Variants in SLC4A4 observed in about 807,000 individuals in gnomAD.
SLC4A4 encodes solute carrier family 4 member 4, also known as electrogenic sodium bicarbonate cotransporter 1.
SLC4A4 carries 27 observed loss-of-function variants against 111.5 expected under a neutral mutation model. The observed-to-expected ratio is 0.24, with a 90% CI of 0.18 to 0.33. SLC4A4 has a LOEUF of 0.33. SLC4A4 is among the 10% of genes least tolerant of loss of function. The pLI, the probability that SLC4A4 is intolerant of heterozygous loss-of-function variation, is 1.00. For missense variants in SLC4A4, 909 were observed against 1,315.5 expected, an observed-to-expected ratio of 0.69 and a Z score of 4.78; for synonymous variants, 443 against 463.4, an observed-to-expected ratio of 0.96 and a Z score of 0.57.
intron 1 of SLC4A4, among the ~76,000 whole-genome samples, chr4:71,215,227 C>T (rs1718353840): frequency 6.6e-6 from 1 of 152,182 alleles, no homozygotes; most frequent in Non-Finnish European, 1.5e-5. Context: ...AACATCACAG[C>T]TGGGTTTCTT....
chr4:71,422,902 G>A (rs1326243888), intron 7 of SLC4A4, among the ~76,000 whole-genome samples: 7 of 152,172 alleles, frequency 4.6e-5, no homozygotes, highest in Non-Finnish European at 1.0e-4. Context: ...GCAGAAACTG[G>A]AAGCATTCCC....
chr4:71,227,744 A>G (rs1213261461), intron 1 of SLC4A4, among the ~76,000 whole-genome samples: 1 of 152,142 alleles, frequency 6.6e-6, no homozygotes, highest in East Asian at 1.9e-4. Context: ...CATATGGAGG[A>G]GCCCAGCCAT....
In SLC4A4 at chr4:71,453,574, CA is replaced by C; in HGVS notation, c.1404del (p.Ala469LeufsTer13). 1 of 1,613,724 alleles carries C rather than the reference CA, an allele frequency of 6.2e-7. No individual in the cohort carries two copies. The highest frequency in any genetic ancestry group is 8.5e-7 in the Non-Finnish European group (1 of 1,179,680). On this transcript the variant is annotated frameshift_variant, in exon 12 of 26. Transcript: ENST00000264485. LOFTEE classifies it high-confidence loss of function. The part of the protein sequence containing the change: ...ASDFYDALNI[Q>X]ALSAILFIYL... ...TGATTTTTATGATGCTTTAAATATTCAAGCTCTTTCGGCAATTCTCTTCATT... is the reference window on the plus strand; with the variant it reads ...TGATTTTTATGATGCTTTAAATATTCAGCTCTTTCGGCAATTCTCTTCATT...
intron 16 of SLC4A4, among the ~76,000 whole-genome samples, chr4:71,499,432 A>AT (rs549484479): frequency 2.0e-5 from 3 of 152,268 alleles, no homozygotes; most frequent in East Asian, 3.9e-4. Context: ...TCACATACTT[A>AT]TTTTTTGTGA....
chr4:71,199,521 T>C (rs1746153749), intron 1 of SLC4A4, among the ~76,000 whole-genome samples: 1 of 152,232 alleles, frequency 6.6e-6, no homozygotes, highest in Non-Finnish European at 1.5e-5. Flanking sequence ...TTAAATGTAA[T>C]ACTGTGTATG....
chr4:71,560,608 A>G (rs151010029), intron 23 of SLC4A4, among the ~76,000 whole-genome samples: 1 of 151,946 alleles, frequency 6.6e-6, no homozygotes, highest in African/African-American at 2.4e-5. Flanking sequence ...CAGGGCTTAT[A>G]TTTGAGATAA....
chr4:71,083,570 G>T (rs1183905589), intron 1 of SLC4A4, among the ~76,000 whole-genome samples: 2 of 151,964 alleles, frequency 1.3e-5, no homozygotes, highest in African/African-American at 2.4e-5. Context: ...TGAAGTGACA[G>T]ACAGGGCAGC....
chr4:71,124,320 C>T (rs1188203232), intron 2 of SLC4A4, among the ~76,000 whole-genome samples: 5 of 151,982 alleles, frequency 3.3e-5, no homozygotes, highest in South Asian at 2.1e-4. Flanking sequence ...TACAGGTGCC[C>T]GCCACCATGT....
intron 1 of SLC4A4, among the ~76,000 whole-genome samples, chr4:71,090,695 G>A (rs1002006282): frequency 6.6e-6 from 1 of 152,174 alleles, no homozygotes; most frequent in African/African-American, 2.4e-5. Flanking sequence ...AACAAGGGTT[G>A]TTCTTTGCTG....
chr4:71,182,633 G>T, upstream of SLC4A4, among the ~76,000 whole-genome samples: 1 of 152,202 alleles, frequency 6.6e-6, no homozygotes, highest in African/African-American at 2.4e-5. Context: ...TCCCAAGGAG[G>T]CAGGAAGCCA....
At chr4:71,229,841 C>T (rs1719299004) in intron 1 of SLC4A4, among the ~76,000 whole-genome samples, 1 of 149,258 alleles carries the variant, frequency 6.7e-6, no homozygotes, top group Admixed American at 6.6e-5. Flanking sequence ...TTTCCCAGCC[C>T]CTGTGAAATT....
intron 1 of SLC4A4, among the ~76,000 whole-genome samples, chr4:71,084,565 G>C (rs1043509490): frequency 1.5e-4 from 22 of 151,498 alleles, no homozygotes; most frequent in Non-Finnish European, 1.8e-4. Flanking sequence ...TGCCCCCACT[G>C]CACAACAGGC....
chr4:71,422,637 C>A (rs1259865958), intron 7 of SLC4A4, among the ~76,000 whole-genome samples: 1 of 151,950 alleles, frequency 6.6e-6, no homozygotes, highest in African/African-American at 2.4e-5. Context: ...AGCTTATCCA[C>A]CGTGATCAAG....
At chr4:71,383,743 T>C (rs2148954705) in intron 6 of SLC4A4, among the ~76,000 whole-genome samples, 1 of 152,340 alleles carries the variant, frequency 6.6e-6, no homozygotes, top group Non-Finnish European at 1.5e-5. Flanking sequence ...TAAGATATTT[T>C]TATTTCCATT....
chr4:71,235,520 T>C, intron 1 of SLC4A4, among the ~76,000 whole-genome samples: 1 of 152,238 alleles, frequency 6.6e-6, no homozygotes, highest in East Asian at 1.9e-4. Context: ...GTTCTTTGTT[T>C]CTAGACTGGT....
intron 7 of SLC4A4, among the ~76,000 whole-genome samples, chr4:71,419,427 C>T (rs1007501570): frequency 5.3e-5 from 8 of 152,222 alleles, no homozygotes; most frequent in South Asian, 2.1e-4. Flanking sequence ...GCCTCACTGC[C>T]GCCTTGCAGT....
chr4:71,322,784 G>T (rs1054604573), intron 3 of SLC4A4, among the ~76,000 whole-genome samples: 3 of 151,980 alleles, frequency 2.0e-5, no homozygotes, highest in Non-Finnish European at 4.4e-5. Flanking sequence ...GGAAAAGGTT[G>T]CTGGGTAGCC....
chr4:71,157,989 CCT>C (rs1281047974), intron 2 of SLC4A4, among the ~76,000 whole-genome samples: 1 of 151,768 alleles, frequency 6.6e-6, no homozygotes, highest in Non-Finnish European at 1.5e-5. Context: ...TGAGATATTC[CCT>C]GTTTGCTATG....
At chr4:71,091,967 A>G (rs1742404347) in intron 1 of SLC4A4, among the ~76,000 whole-genome samples, 1 of 152,228 alleles carries the variant, frequency 6.6e-6, no homozygotes, top group African/African-American at 2.4e-5. Context: ...GTAACATTCT[A>G]TGTAAGCCAA....
Sources: gnomAD v4.1 joint callset for allele counts (sites outside exome capture counted in the v4.1 genomes callset) on GRCh38, gnomAD v4.1.1 for gene constraint, MANE v1.5 for transcripts, NCBI Gene and HGNC (gene_info 2026-07-23, HGNC 2026-07-21) for gene names.